PHEX: variants seen among roughly 807,000 people sequenced by gnomAD.
PHEX encodes the protein phosphate regulating endopeptidase X-linked.
A neutral mutation model predicts 68.0 loss-of-function variants in PHEX; 16 were observed. The ratio of observed to expected loss-of-function variants is 0.24; its 90% CI spans 0.16 to 0.36. PHEX has a LOEUF of 0.36. Ranked by LOEUF, PHEX falls within the 10% of genes least tolerant of loss-of-function variation. The pLI, the probability that PHEX is intolerant of heterozygous loss-of-function variation, is 1.00. For synonymous variants in PHEX, 208 were observed against 205.1 expected, an observed-to-expected ratio of 1.01 and a Z score of -0.12; for missense variants, 480 against 575.5, an observed-to-expected ratio of 0.83 and a Z score of 1.70.
intron 12 of PHEX, among the ~76,000 whole-genome samples, chrX:22,150,733 T>C (rs1932841868): frequency 8.9e-6 from 1 of 112,347 alleles, no homozygotes; most frequent in African/African-American, 3.2e-5. Context: ...GGGCTGAATC[T>C]TAGGTAAGAA....
chrX:22,114,974 G>A (rs187691744), intron 11 of PHEX, among the ~76,000 whole-genome samples: 412 of 111,777 alleles, frequency 3.7e-3, no homozygotes, highest in Non-Finnish European at 6.2e-3. Flanking sequence ...GGAGAAAAGG[G>A]TGTATTTTTT....
At chrX:22,219,788 T>C (rs1298094878) in intron 17 of PHEX, among the ~76,000 whole-genome samples, 1 of 110,715 alleles carries the variant, frequency 9.0e-6, no homozygotes, top group Admixed American at 9.6e-5. Context: ...CCAGCTAATT[T>C]TTGTATTTTT....
chrX:22,048,830 TA>T (rs1395116933), intron 3 of PHEX, among the ~76,000 whole-genome samples: 5 of 111,517 alleles, frequency 4.5e-5, no homozygotes, highest in Non-Finnish European at 9.4e-5. Context: ...ATTGAAGAAA[TA>T]AAAAAAGAGC....
chrX:22,226,395 C>A (rs368051891), intron 18 of PHEX, 48 bp from the exon 19 acceptor site: 4 of 907,662 alleles, frequency 4.4e-6, no homozygotes, highest in African/African-American at 2.0e-5. Flanking sequence ...GATAGTTGAC[C>A]GTGAAACACG....
At chrX:22,128,189 G>C (rs1325384637) in intron 11 of PHEX, among the ~76,000 whole-genome samples, 1 of 109,295 alleles carries the variant, frequency 9.1e-6, no homozygotes, top group Non-Finnish European at 1.9e-5. Context: ...CTCCCAAGTT[G>C]CTGAGGTTAC....
intron 13 of PHEX, 42 bp from the exon 14 acceptor site, chrX:22,178,231 A>G: frequency 1.1e-6 from 1 of 914,300 alleles, no homozygotes; most frequent in Non-Finnish European, 1.6e-6. Context: ...GCCATCTTTT[A>G]TCTTTACTTA....
At chrX:22,136,966 C>A (rs1278470081) in intron 12 of PHEX, among the ~76,000 whole-genome samples, 1 of 112,079 alleles carries the variant, frequency 8.9e-6, no homozygotes, top group African/African-American at 3.2e-5. Context: ...GTTTAGGATT[C>A]TCTGTTCCCT....
rs1410191589 is a variant in PHEX at position 22,248,732 on chromosome X, C to G, written c.*779C>G. ...TCCTAGTTACATAACAGCAGGGAAA[C>G]TAGGAGATGAAATCTCCAAAATTTT... On this transcript the variant is annotated 3_prime_UTR_variant, in exon 22 of 22. Transcript: ENST00000379374. The G allele has an allele frequency of 8.9e-6, 1 of 112,096 alleles. No homozygotes were observed. The highest frequency in any genetic ancestry group is 1.9e-5 in the Non-Finnish European group (1 of 53,272). 9.2% of individuals were successfully genotyped at this position (112,096 alleles called of 1,213,427 possible). A position where few individuals can be genotyped will look rare whatever the true frequency, so the allele number is the denominator to read the frequency against.
At chrX:22,196,551 C>G (rs747383201) in intron 15 of PHEX, among the ~76,000 whole-genome samples, 1 of 112,281 alleles carries the variant, frequency 8.9e-6, no homozygotes, top group Non-Finnish European at 1.9e-5. Context: ...GAAGAGTGAA[C>G]AGCTCATATT....
At chrX:22,231,958 G>A (rs1935759603) in intron 20 of PHEX, among the ~76,000 whole-genome samples, 1 of 111,487 alleles carries the variant, frequency 9.0e-6, no homozygotes, top group South Asian at 3.7e-4. Context: ...CAGAGATTCT[G>A]GTACATTGTG....
At chrX:22,103,777 A>G (rs1930538234) in intron 9 of PHEX, among the ~76,000 whole-genome samples, 1 of 111,850 alleles carries the variant, frequency 8.9e-6, no homozygotes, top group Non-Finnish European at 1.9e-5. Flanking sequence ...TGCATGAGCT[A>G]GTATCTTTTT....
chrX:22,147,357 A>G (rs1932745075), intron 12 of PHEX, among the ~76,000 whole-genome samples: 1 of 111,012 alleles, frequency 9.0e-6, no homozygotes, highest in East Asian at 2.8e-4. Flanking sequence ...ACTAATAGCC[A>G]CAATGTGTCT....
At chrX:22,226,116 C>T (rs1935486166) in intron 18 of PHEX, among the ~76,000 whole-genome samples, 1 of 112,023 alleles carries the variant, frequency 8.9e-6, no homozygotes, top group African/African-American at 3.2e-5. Context: ...TGTGTATTGA[C>T]ATTCCTGTTT....
chrX:22,036,054 A>ATATATTTTT (rs1349859330), intron 1 of PHEX, among the ~76,000 whole-genome samples: 1 of 56,740 alleles, frequency 1.8e-5, no homozygotes, highest in African/African-American at 9.2e-5. Context: ...ATATATATAT[A>ATATATTTTT]TTTTTTTTTT....
intron 6 of PHEX, among the ~76,000 whole-genome samples, 185 bp from the exon 7 acceptor site, chrX:22,093,798 C>T (rs911991850): frequency 8.9e-6 from 1 of 112,164 alleles, no homozygotes; most frequent in Admixed American, 9.4e-5. Context: ...GTAGCCGTCA[C>T]TCTTTTTTTC....
Position 22,168,324 on chromosome X carries a change from T to A in PHEX, c.1417T>A (p.Leu473Met). The A allele has an allele frequency of 8.4e-7, 1 of 1,194,795 alleles. No homozygotes were observed. Among genetic ancestry groups the A allele is most frequent in the Non-Finnish European group, 1.1e-6 (1 of 880,145 alleles). ...TTCCTTTTTGTAGGCGAGAGCTGTT[T>A]TGGCAAAAGTTGGCTATCCAGAGTT... ...RKAKEKARAV[L>M]AKVGYPEFIM... The change falls in exon 13 of 22, where the codon TTG becomes ATG. Residue 473 changes from leucine (L) to methionine (M), a missense_variant. Transcript: ENST00000379374.
intron 1 of PHEX, among the ~76,000 whole-genome samples, chrX:22,037,369 C>G (rs1927077756): frequency 9.0e-6 from 1 of 111,562 alleles, no homozygotes; most frequent in African/African-American, 3.3e-5. Context: ...TCACCTCCCA[C>G]CATCCCTCTC....
chrX:22,245,474 G>C (rs1936366278), intron 21 of PHEX, 65 bp downstream of exon 21: 1 of 735,210 alleles, frequency 1.4e-6, no homozygotes, highest in Admixed American at 2.2e-5. Context: ...CCCCCACCCA[G>C]CCATCCAAGG....
At chrX:22,240,060 G>A (rs1490305585) in intron 20 of PHEX, among the ~76,000 whole-genome samples, 2 of 112,246 alleles carry the variant, frequency 1.8e-5, no homozygotes, top group East Asian at 5.5e-4. Flanking sequence ...AACCCTACAA[G>A]CCAGAAGAGA....
Sources: gnomAD v4.1 joint callset for allele counts (sites outside exome capture counted in the v4.1 genomes callset) on GRCh38, gnomAD v4.1.1 for gene constraint, MANE v1.5 for transcripts, NCBI Gene and HGNC (gene_info 2026-07-23, HGNC 2026-07-21) for gene names.